Variants in CLDN15 observed in about 807,000 individuals in gnomAD.
CLDN15 encodes claudin 15.
CLDN15 carries 9 observed loss-of-function variants against 24.5 expected under a neutral mutation model. The ratio of observed to expected loss-of-function variants is 0.37; its 90% CI spans 0.22 to 0.64. The LOEUF (loss-of-function observed/expected upper bound fraction) is 0.64, where lower values mean the gene tolerates loss of function less well. Among genes scored for constraint, CLDN15 ranks in the 30% least tolerant of loss-of-function variants. CLDN15 has a pLI of 0.63. For synonymous variants in CLDN15, 149 were observed against 131.4 expected (o/e 1.13, Z -0.92); for missense variants, 248 against 305.9 (o/e 0.81, Z 1.41).
chr7:101,232,562 T>A lies in CLDN15; in HGVS notation c.581+42A>T. ...AGAGCGGGGGCGCGGCCCTCCTCTC[T>A]CCAATCCCGCCCGGCCCCAGCCTGC... On this transcript the variant is annotated intron_variant, in intron 4 of 4. Transcript: ENST00000308344. 3 of 1,596,984 alleles carry A rather than the reference T, an allele frequency of 1.9e-6. No individual in the cohort carries two copies. In the South Asian group the frequency reaches 3.3e-5, roughly 18 times the overall value.
intron 1 of CLDN15, among the ~76,000 whole-genome samples, chr7:101,234,732 C>T (rs535756916): frequency 6.9e-4 from 105 of 152,156 alleles, no homozygotes; most frequent in Non-Finnish European, 1.2e-3. Context: ...AGGCCCCCCT[C>T]ACCTTCTTGC....
At chr7:101,232,582 G>GCCTGCGCCTCAC (rs1798523204) in intron 4 of CLDN15, 22 bp downstream of exon 4, 22 of 1,595,372 alleles carry the variant, frequency 1.4e-5, no homozygotes, top group Admixed American at 1.7e-5. Flanking sequence ...CCCGGCCCCA[G>GCCTGCGCCTCAC]CCTGCGCCTC....
At position 101,237,030 on chromosome 7, in the gene CLDN15, A is replaced by T; in HGVS notation, c.217+335T>A. The T allele has an allele frequency of 2.2e-6, 1 of 450,916 alleles. No individual in the cohort carries two copies. Among genetic ancestry groups the T allele is most frequent in the Non-Finnish European group, 4.2e-6 (1 of 237,972 alleles). 27.9% of individuals were successfully genotyped at this position (450,916 alleles called of 1,614,324 possible). On this transcript the variant is annotated intron_variant, in intron 1 of 4. Coordinates refer to ENST00000308344, the MANE Select transcript of CLDN15 (RefSeq NM_014343.3). This position sits in a 1 kb window ranked among gnomAD's most constrained non-coding sequence, Gnocchi z 4.0. ...GCTAACATTCTGCACTTTCTCAGTC[A>T]CCTGTGAACTGGGACTCTCACCCTA... is the stretch of plus-strand genomic sequence containing the variant.
intron 1 of CLDN15, among the ~76,000 whole-genome samples, chr7:101,235,794 T>C (rs1798609279): frequency 6.6e-6 from 1 of 151,874 alleles, no homozygotes; most frequent in Admixed American, 6.6e-5. Context: ...TAGCAGTCAA[T>C]GGAGAGATTA....
chr7:101,238,388 G>C (rs1798676658), upstream of CLDN15: 1 of 152,528 alleles, frequency 6.6e-6, no homozygotes, highest in Non-Finnish European at 1.5e-5. Context: ...TACTGCAGGG[G>C]CTGTGGTGAG....
At chr7:101,234,185 G>T in intron 2 of CLDN15, 93 bp downstream of exon 2, 1 of 1,007,704 alleles carries the variant, frequency 9.9e-7, no homozygotes, top group Non-Finnish European at 1.6e-6. Flanking sequence ...TGAGCATGAG[G>T]AGTGGGAATT....
At chr7:101,237,875 T>TC (rs1476270915), upstream of CLDN15, 1 of 397,246 alleles carries the variant, frequency 2.5e-6, no homozygotes, top group Non-Finnish European at 4.8e-6. The surrounding 1 kb of genome is among the most constrained non-coding windows in gnomAD (Gnocchi z 4.0). Flanking sequence ...GTCCACCCCC[T>TC]CCCCCCAGCC....
chr7:101,232,928 G>A lies in CLDN15; in HGVS notation c.383-14C>T. 1.9e-6 allele frequency: 3 copies of A among 1,591,656 alleles called. No homozygotes were observed. In the South Asian group the frequency reaches 3.3e-5, roughly 18 times the overall value. On this transcript the variant is annotated splice_polypyrimidine_tract_variant and intron_variant, in intron 2 of 4. Transcript: ENST00000308344. Reference sequence around the variant, plus strand: ...TCCCGCAGATACCTGGGGACCGGAGGACGACCCCAGTCCAGTCCAGGGGGA... The same window carrying A: ...TCCCGCAGATACCTGGGGACCGGAGAACGACCCCAGTCCAGTCCAGGGGGA...
At chr7:101,234,180 A>G in intron 2 of CLDN15, 98 bp downstream of exon 2, 2 of 979,902 alleles carry the variant, frequency 2.0e-6, no homozygotes, top group Non-Finnish European at 3.3e-6. Flanking sequence ...GGAGGTGAGC[A>G]TGAGGAGTGG....
intron 2 of CLDN15, 199 bp downstream of exon 2, chr7:101,234,079 A>C (rs764311824): frequency 8.4e-6 from 6 of 711,294 alleles, no homozygotes; most frequent in Non-Finnish European, 1.5e-5. Context: ...TGGGAGCTCA[A>C]GAAACACTGC....
intron 2 of CLDN15, among the ~76,000 whole-genome samples, chr7:101,233,187 C>T (rs1295459667): frequency 2.0e-5 from 3 of 152,146 alleles, no homozygotes; most frequent in African/African-American, 7.2e-5. Context: ...TCTCTTTGGT[C>T]CCAGATCTAC....
chr7:101,232,944 T>A, intron 2 of CLDN15, 30 bp from the exon 3 acceptor site: 3 of 1,217,554 alleles, frequency 2.5e-6, no homozygotes, highest in Non-Finnish European at 3.5e-6. Context: ...CCCAGTCCAG[T>A]CCAGGGGGAG....
At position 101,232,299 on chromosome 7, in the gene CLDN15, A is replaced by C; in HGVS notation, c.*111T>G. The C allele has an allele frequency of 1.4e-6, 1 of 712,492 alleles. No homozygotes were observed. The highest frequency in any genetic ancestry group is 1.9e-5 in the South Asian group (1 of 53,358). 44.1% of individuals were successfully genotyped at this position (712,492 alleles called of 1,614,324 possible). A position where few individuals can be genotyped will look rare whatever the true frequency, so the allele number is the denominator to read the frequency against. ...ACGGGGCCGTGGCCGGGGCGGGGCT[A>C]CGGGAGCGGGGCGTGGCCGGCCCCT... On this transcript the variant is annotated 3_prime_UTR_variant, in exon 5 of 5. Coordinates refer to ENST00000308344, the MANE Select transcript of CLDN15 (RefSeq NM_014343.3).
In CLDN15 at chr7:101,232,692, C is replaced by A; in HGVS notation, c.493G>T (p.Gly165Trp). The change falls in exon 4 of 5, where the codon GGG becomes TGG. Residue 165 changes from glycine to tryptophan, a missense_variant. Coordinates refer to ENST00000308344, the MANE Select transcript of CLDN15 (RefSeq NM_014343.3). ...KYELGPALYL[G>W]WSASLISILG... ...ATGGAGATCAGTGAGGCGCTCCACCCCAGGTAGAGGGCGGGGCCCAGCTCG... is the reference window on the plus strand; with the variant it reads ...ATGGAGATCAGTGAGGCGCTCCACCACAGGTAGAGGGCGGGGCCCAGCTCG... The A allele has an allele frequency of 6.3e-7, 1 of 1,594,182 alleles. No homozygotes were observed. The highest frequency in any genetic ancestry group is 8.5e-7 in the Non-Finnish European group (1 of 1,170,946).
chr7:101,234,403 A>G lies in CLDN15; in HGVS notation c.257T>C (p.Ile86Thr). Residue 86 changes from isoleucine to threonine, a missense_variant, in exon 2 of 5, where the codon ATC (isoleucine) becomes ACC (threonine). Coordinates refer to ENST00000308344, the MANE Select transcript of CLDN15 (RefSeq NM_014343.3). ...CAAGAGGCCGAGGAAGCCCAGGAGG[A>G]TGGCGGTGATCATGAGTGCCCGGCA... The part of the protein sequence containing the change: ...QACRALMITA[I>T]LLGFLGLLLG... The G allele has an allele frequency of 1.2e-6, 2 of 1,613,300 alleles. No homozygotes were observed. Among genetic ancestry groups the G allele is most frequent in the Non-Finnish European group, 8.5e-7 (1 of 1,179,538 alleles).
chr7:101,234,179 C>T lies in CLDN15; in HGVS notation c.382+99G>A, dbSNP rs550600966. 25 of 971,950 alleles carry T rather than the reference C, an allele frequency of 2.6e-5. No individual in the cohort carries two copies. The African/African-American group carries it at 3.8e-4, about 15-fold the overall frequency. 60.2% of individuals were successfully genotyped at this position (971,950 alleles called of 1,614,324 possible). ...CATGCAGCAGGGTAGGGGAGGTGAG[C>T]ATGAGGAGTGGGAATTGGAGAGGAG... On this transcript the variant is annotated intron_variant, in intron 2 of 4. Transcript: ENST00000308344.
chr7:101,237,559 A>C lies in CLDN15; in HGVS notation c.23T>G (p.Phe8Cys). 6.2e-7 allele frequency: 1 copy of C among 1,614,112 alleles called. No homozygotes were observed. Among genetic ancestry groups the C allele is most frequent in the South Asian group, 1.1e-5 (1 of 91,084 alleles). Residue 8 changes from phenylalanine (F) to cysteine (C), a missense_variant, in exon 1 of 5, where the codon TTT becomes TGT. Phe to Cys is a radical substitution (Grantham distance 205). Transcript: ENST00000308344. The surrounding 1 kb of genome is among the most constrained non-coding windows in gnomAD (Gnocchi z 4.0). ...CCCCACAGTTGCCATGAAGAAGCCAAAGGTTTCCACAGCCATCGACATGGT... is the reference window on the plus strand; with the variant it reads ...CCCCACAGTTGCCATGAAGAAGCCACAGGTTTCCACAGCCATCGACATGGT... MSMAVET[F>C]GFFMATVGLL...
At chr7:101,234,069 T>C in intron 2 of CLDN15, 1 of 703,962 alleles carries the variant, frequency 1.4e-6, no homozygotes, top group Non-Finnish European at 2.6e-6. Context: ...CAGCCCCTAC[T>C]GGGAGCTCAA....
At chr7:101,234,491 G>A in intron 1 of CLDN15, 49 bp from the exon 2 acceptor site, 1 of 1,423,134 alleles carries the variant, frequency 7.0e-7, no homozygotes, top group Non-Finnish European at 9.9e-7. Context: ...CTCTGCGACG[G>A]AGCCAGCCCA....
Sources: gnomAD v4.1 joint callset for allele counts (sites outside exome capture counted in the v4.1 genomes callset) on GRCh38, gnomAD v4.1.1 for gene constraint, Gnocchi (gnomAD v3.1) non-coding constraint, MANE v1.5 for transcripts, NCBI Gene and HGNC (gene_info 2026-07-23, HGNC 2026-07-21) for gene names.